The following ZDHHC11B variants were observed in gnomAD, a reference collection of about 807,000 sequenced individuals.
ZDHHC11B encodes zDHHC palmitoyltransferase 11B (putative).
ZDHHC11B carries 17 observed loss-of-function variants against 42.3 expected under a neutral mutation model. The ratio of observed to expected loss-of-function variants is 0.40; its 90% CI spans 0.27 to 0.60. The LOEUF (loss-of-function observed/expected upper bound fraction) is 0.60, where lower values mean the gene tolerates loss of function less well. ZDHHC11B is among the 20% of genes least tolerant of loss of function. The pLI, the probability that ZDHHC11B is intolerant of heterozygous loss-of-function variation, is 0.41. For missense variants in ZDHHC11B, 262 were observed against 463.2 expected, an observed-to-expected ratio of 0.57 and a Z score of 3.99; for synonymous variants, 123 against 193.5, an observed-to-expected ratio of 0.64 and a Z score of 3.02.
chr5:733,725 G>C (rs140329342), intron 11 of ZDHHC11B, 27 bp downstream of exon 11: 48 of 1,593,072 alleles, frequency 3.0e-5, no homozygotes, highest in Middle Eastern at 3.3e-4. Context: ...CTGTCCTCAG[G>C]GTGCATTGCT....
intron 13 of ZDHHC11B, among the ~76,000 whole-genome samples, chr5:713,868 A>G (rs1741547066): frequency 6.7e-6 from 1 of 148,454 alleles, no homozygotes; most frequent in African/African-American, 2.5e-5. Flanking sequence ...GAGATTACTG[A>G]TTGGCTTGCC....
chr5:763,664 T>C (rs1354119650), intron 4 of ZDHHC11B, among the ~76,000 whole-genome samples: 1 of 151,716 alleles, frequency 6.6e-6, no homozygotes, highest in African/African-American at 2.4e-5. Flanking sequence ...GCTCCTGATG[T>C]GAGCCACGCA....
intron 11 of ZDHHC11B, among the ~76,000 whole-genome samples, chr5:733,399 C>A (rs1743200623): frequency 6.6e-6 from 1 of 151,794 alleles, no homozygotes; most frequent in Non-Finnish European, 1.5e-5. Flanking sequence ...GCCATGGCTA[C>A]CAATCTCCTT....
chr5:725,108 A>T lies in ZDHHC11B; in HGVS notation c.1058+5326T>A, dbSNP rs411427. The stretch of plus-strand genomic sequence containing the variant: ...TTTGGTGTCAGCTCCCGAATGTGGG[A>T]CCCGGATGACAGGATTCGTGAGTGC... On this transcript the variant is annotated intron_variant, in intron 12 of 13. Transcript: ENST00000508859. Among the ~76,000 whole-genome samples the T allele has an allele frequency of 8.2e-3, 1,209 of 147,564 alleles. 23 individuals are homozygous for T. Among genetic ancestry groups the T allele is most frequent in the African/African-American group, 0.02 (783 of 38,398 alleles).
At chr5:714,124 AC>A in intron 13 of ZDHHC11B, among the ~76,000 whole-genome samples, 1 of 133,958 alleles carries the variant, frequency 7.5e-6, no homozygotes, top group Non-Finnish European at 1.6e-5. Context: ...ACGCGTGCAC[AC>A]ACACACCCTT....
chr5:720,053 G>A (rs1234717732), intron 12 of ZDHHC11B, among the ~76,000 whole-genome samples: 2 of 151,772 alleles, frequency 1.3e-5, no homozygotes, highest in East Asian at 3.9e-4. Flanking sequence ...CTTACTGAGA[G>A]TCTTGGAACG....
chr5:721,534 G>A lies in ZDHHC11B; in HGVS notation c.1059-4669C>T, dbSNP rs1369853008. ...AGCTCCCGGGCCCCGAGATATGGAG[G>A]GTCCCAGGGGCAAGGGTGAGGAGCG... On this transcript the variant is annotated intron_variant, in intron 12 of 13. Transcript: ENST00000508859. Among the ~76,000 whole-genome samples, 5 of 151,218 alleles carry A rather than the reference G, an allele frequency of 3.3e-5. 1 individual carries two copies. In the East Asian group the frequency reaches 7.8e-4, roughly 24 times the overall value.
At chr5:736,407 G>A (rs1743524442) in intron 10 of ZDHHC11B, among the ~76,000 whole-genome samples, 1 of 149,586 alleles carries the variant, frequency 6.7e-6, no homozygotes, top group African/African-American at 2.5e-5. Flanking sequence ...CACTAGACAG[G>A]TCATCAAGAC....
chr5:760,545 C>T (rs1265461438), intron 4 of ZDHHC11B, among the ~76,000 whole-genome samples: 3 of 151,704 alleles, frequency 2.0e-5, no homozygotes, highest in Admixed American at 6.6e-5. Flanking sequence ...TGCAGGCACC[C>T]GGTTTTTGGT....
At chr5:718,758 T>A (rs992111588) in intron 12 of ZDHHC11B, among the ~76,000 whole-genome samples, 2 of 150,948 alleles carry the variant, frequency 1.3e-5, no homozygotes, top group Non-Finnish European at 3.0e-5. Context: ...TCGTGAATGG[T>A]GTACATGAGC....
intron 1 of ZDHHC11B, among the ~76,000 whole-genome samples, chr5:779,046 T>C (rs1340951232): frequency 6.6e-6 from 1 of 151,160 alleles, no homozygotes; most frequent in East Asian, 1.9e-4. Flanking sequence ...TCTTGGACTC[T>C]CCAGCCTCCA....
intron 12 of ZDHHC11B, among the ~76,000 whole-genome samples, chr5:718,574 T>A (rs1182053004): frequency 5.3e-5 from 8 of 151,200 alleles, no homozygotes; most frequent in African/African-American, 2.0e-4. Context: ...TGAGTGCCTG[T>A]AGTCCCAGTT....
At chr5:757,794 G>T (rs1409436844) in intron 4 of ZDHHC11B, among the ~76,000 whole-genome samples, 1 of 151,860 alleles carries the variant, frequency 6.6e-6, no homozygotes, top group Non-Finnish European at 1.5e-5. Flanking sequence ...ATGCCAAGGG[G>T]ATGGGACTGG....
intron 7 of ZDHHC11B, among the ~76,000 whole-genome samples, 196 bp downstream of exon 7, chr5:750,937 C>T (rs1256176952): frequency 8.6e-6 from 1 of 115,732 alleles, no homozygotes; most frequent in African/African-American, 2.7e-5. Context: ...CCCGAGCCTG[C>T]CTCCCGCGCG....
At chr5:738,305 A>G (rs1261003602) in intron 10 of ZDHHC11B, among the ~76,000 whole-genome samples, 34 of 3,176 alleles carry the variant, frequency 0.011, no homozygotes, top group Middle Eastern at 0.17. Flanking sequence ...AGAAAACGCA[A>G]ATAAATGGAA....
intron 1 of ZDHHC11B, among the ~76,000 whole-genome samples, chr5:770,708 C>T (rs1226022313): frequency 6.6e-6 from 1 of 152,020 alleles, no homozygotes; most frequent in Admixed American, 6.6e-5. Context: ...CTGGGGGTGC[C>T]TCAGGATGCT....
In ZDHHC11B at chr5:759,043, G is replaced by C. The variant is rs530577251; in HGVS notation, c.223-2899C>G. Among the ~76,000 whole-genome samples the C allele has an allele frequency of 2.0e-3, 300 of 151,922 alleles. 8 individuals carry two copies. Among genetic ancestry groups the C allele is most frequent in the African/African-American group, 7.0e-3 (291 of 41,382 alleles). On this transcript the variant is annotated intron_variant, in intron 4 of 13. Transcript: ENST00000508859. ...CAATTTTCTCTGCTTCTACTTTCACGTTTAATTTTATGCCGGTAGTGTTTT... is the reference window on the plus strand; with the variant it reads ...CAATTTTCTCTGCTTCTACTTTCACCTTTAATTTTATGCCGGTAGTGTTTT...
At chr5:712,895 C>T (rs1340230904) in intron 13 of ZDHHC11B, among the ~76,000 whole-genome samples, 133 of 147,950 alleles carry the variant, frequency 9.0e-4, no homozygotes, top group East Asian at 1.6e-3. Flanking sequence ...GGTGACACAG[C>T]GAGACTCTGT....
In ZDHHC11B at chr5:710,683, T is replaced by A. The variant is rs1441054929; in HGVS notation, c.*1607A>T. On this transcript the variant is annotated 3_prime_UTR_variant, in exon 14 of 14. Transcript: ENST00000508859. ...ACTGTGCTCCCATTTCCCAGCACTATGCTCCCATTTCCCAGGACTGTGAGC... is the reference window on the plus strand; with the variant it reads ...ACTGTGCTCCCATTTCCCAGCACTAAGCTCCCATTTCCCAGGACTGTGAGC... The A allele has an allele frequency of 6.4e-6, 1 of 155,262 alleles. No individual in the cohort carries two copies. The highest frequency in any genetic ancestry group is 1.9e-4 in the East Asian group (1 of 5,302). 9.6% of individuals were successfully genotyped at this position (155,262 alleles called of 1,614,324 possible).
Sources: gnomAD v4.1 joint callset for allele counts (sites outside exome capture counted in the v4.1 genomes callset) on GRCh38, gnomAD v4.1.1 for gene constraint, MANE v1.5 for transcripts, NCBI Gene and HGNC (gene_info 2026-07-23, HGNC 2026-07-21) for gene names.